Variants in CFAP54 observed in about 807,000 individuals in gnomAD.
CFAP54 encodes cilia- and flagella-associated protein 54.
CFAP54 carries 290 observed loss-of-function variants against 370.4 expected under a neutral mutation model. The ratio of observed to expected loss-of-function variants is 0.78; its 90% confidence interval spans 0.71 to 0.86. The LOEUF is 0.86. Among genes scored for constraint, CFAP54 ranks in the 40% least tolerant of loss-of-function variants. CFAP54 has a pLI of 0.00. For missense variants in CFAP54, 3,399 were observed against 3,528.7 expected (o/e 0.96, Z 0.93); for synonymous variants, 1,206 against 1,236.5 (o/e 0.98, Z 0.52).
At chr12:96,826,323 A>C (rs1357383998) in intron 65 of CFAP54, among the ~76,000 whole-genome samples, 1 of 142,716 alleles carries the variant, frequency 7.0e-6, no homozygotes, top group African/African-American at 2.5e-5. Flanking sequence ...ATATATATTG[A>C]ATATATATAG....
rs1184295477 is a variant in CFAP54 at position 96,763,807 on chromosome 12, C to G, written c.8041-344C>G. 4.6e-5 allele frequency among the ~76,000 whole-genome samples: 7 copies of G among 151,946 alleles called. No homozygotes were observed. In the East Asian group the frequency reaches 1.3e-3, roughly 29 times the overall value. On this transcript the variant is annotated intron_variant, in intron 58 of 67. Coordinates refer to ENST00000524981, the MANE Select transcript of CFAP54 (RefSeq NM_001306084.2). ...AATGTATATATATAATTTTTGTTAA[C>G]TTATTACACAAATAATTCAAATTCA...
chr12:96,810,963 G>C (rs1958923000), intron 63 of CFAP54, among the ~76,000 whole-genome samples: 1 of 152,090 alleles, frequency 6.6e-6, no homozygotes, highest in South Asian at 2.1e-4. Context: ...GCCCCTACCT[G>C]TGCTGGGTTA....
intron 32 of CFAP54, among the ~76,000 whole-genome samples, chr12:96,641,877 A>G (rs1956733022): frequency 6.7e-6 from 1 of 148,494 alleles, no homozygotes; most frequent in East Asian, 2.1e-4. Context: ...GAATTGAACA[A>G]TGAGAACACA....
intron 39 of CFAP54, among the ~76,000 whole-genome samples, chr12:96,670,810 C>T (rs373337189): frequency 4.6e-5 from 7 of 152,278 alleles, no homozygotes; most frequent in East Asian, 3.9e-4. Flanking sequence ...TCATTGTCAC[C>T]GGCCTTTTTG....
intron 65 of CFAP54, among the ~76,000 whole-genome samples, chr12:96,825,243 C>T (rs1959073751): frequency 8.9e-6 from 1 of 112,738 alleles, no homozygotes. Flanking sequence ...ATCTAGGATC[C>T]TAGATATTAT....
intron 6 of CFAP54, among the ~76,000 whole-genome samples, chr12:96,519,378 C>T (rs117222964): frequency 0.092 from 13,937 of 152,172 alleles, 803 homozygotes; most frequent in Middle Eastern, 0.16. Flanking sequence ...GGATTACAGG[C>T]GTGAGCCACT....
intron 26 of CFAP54, 47 bp from the exon 27 acceptor site, chr12:96,621,543 T>C (rs961269339): frequency 6.4e-5 from 83 of 1,292,712 alleles, no homozygotes; most frequent in Non-Finnish European, 7.9e-5. Context: ...TACTTGAAAA[T>C]AGACAAGAAT....
chr12:96,835,302 C>T (rs376488172), intron 66 of CFAP54, among the ~76,000 whole-genome samples: 12 of 152,014 alleles, frequency 7.9e-5, no homozygotes, highest in Admixed American at 2.0e-4. Flanking sequence ...CCTGGTTGTC[C>T]GATCGTCTAC....
chr12:96,610,738 A>T (rs1264211838), intron 26 of CFAP54, among the ~76,000 whole-genome samples: 1 of 152,192 alleles, frequency 6.6e-6, no homozygotes. Flanking sequence ...CCAGGAGATT[A>T]TATCCCGCGC....
At chr12:96,554,966 C>T in intron 17 of CFAP54, 164 bp downstream of exon 17, 1 of 561,210 alleles carries the variant, frequency 1.8e-6, no homozygotes, top group Non-Finnish European at 2.8e-6. Flanking sequence ...ATAATTAAAT[C>T]TTTCCTTATT....
Position 96,817,915 on chromosome 12 carries a change from TA to T in CFAP54, c.9096+4del. 1 of 1,457,798 alleles carries T rather than the reference TA, an allele frequency of 6.9e-7. No homozygotes were observed. Among genetic ancestry groups the T allele is most frequent in the South Asian group, 1.4e-5 (1 of 71,928 alleles). 90.3% of individuals were successfully genotyped at this position (1,457,798 alleles called of 1,614,324 possible). ...GAATCAGTTGATAATGAAATGGAAG[TA>T]AGTTGTTAAATAATGGAAAATGACA... On this transcript the variant is annotated splice_donor_region_variant and intron_variant, in intron 65 of 67. Transcript: ENST00000524981.
chr12:96,564,887 A>C, intron 19 of CFAP54, 122 bp downstream of exon 19: 1 of 459,122 alleles, frequency 2.2e-6, no homozygotes, highest in Non-Finnish European at 3.8e-6. Context: ...TTTCAGATTC[A>C]CTATATATAA....
At chr12:96,753,326 A>G (rs1296446821) in intron 55 of CFAP54, among the ~76,000 whole-genome samples, 1 of 152,244 alleles carries the variant, frequency 6.6e-6, no homozygotes, top group Non-Finnish European at 1.5e-5. Context: ...AGTAACCACT[A>G]TAATGCTTAA....
intron 26 of CFAP54, among the ~76,000 whole-genome samples, chr12:96,618,022 C>T (rs1956441654): frequency 6.9e-6 from 1 of 145,664 alleles, no homozygotes; most frequent in South Asian, 2.2e-4. Flanking sequence ...TCTGCTTGGC[C>T]TACTCCGACC....
intron 66 of CFAP54, among the ~76,000 whole-genome samples, chr12:96,849,483 C>T (rs1046583922): frequency 2.6e-5 from 4 of 152,156 alleles, no homozygotes; most frequent in African/African-American, 9.7e-5. Context: ...GAAGAGGCCT[C>T]AGAGTAGGTG....
intron 17 of CFAP54, among the ~76,000 whole-genome samples, chr12:96,558,278 A>T (rs1159118192): frequency 6.6e-6 from 1 of 152,226 alleles, no homozygotes; most frequent in Admixed American, 6.5e-5. Context: ...TCAACATAGT[A>T]CTGGAAGTCC....
intron 60 of CFAP54, among the ~76,000 whole-genome samples, chr12:96,766,748 C>A (rs1958405258): frequency 1.3e-5 from 2 of 152,132 alleles, no homozygotes. Flanking sequence ...CTTCATACTG[C>A]CTCCTTATTA....
chr12:96,589,311 G>A (rs142732575), intron 22 of CFAP54, 116 bp from the exon 23 acceptor site: 12 of 812,438 alleles, frequency 1.5e-5, no homozygotes, highest in African/African-American at 1.4e-4. Context: ...TATCTGAAAT[G>A]AGCGTGTGAT....
At chr12:96,625,955 A>C (rs1284647175) in intron 29 of CFAP54, 148 bp downstream of exon 29, 2 of 589,680 alleles carry the variant, frequency 3.4e-6, no homozygotes, top group Non-Finnish European at 5.7e-6. Flanking sequence ...AATAATGCAG[A>C]ATCCTGATTG....
Sources: allele counts gnomAD v4.1 joint callset (sites outside exome capture counted in the v4.1 genomes callset), GRCh38; gene constraint gnomAD v4.1.1; transcripts MANE v1.5; gene names NCBI Gene and HGNC (gene_info 2026-07-23, HGNC 2026-07-21).